CAMTA1: variants seen among roughly 807,000 people sequenced by gnomAD.
CAMTA1 encodes the protein calmodulin-binding transcription activator 1.
Under a neutral mutation model 170.9 loss-of-function variants are expected in CAMTA1, and 27 were observed. The ratio of observed to expected loss-of-function variants is 0.16; its 90% CI spans 0.12 to 0.22. The LOEUF is 0.22. Among genes scored for constraint, CAMTA1 ranks in the 10% least tolerant of loss-of-function variants. The pLI is 1.00. For synonymous variants in CAMTA1, 833 were observed against 891.5 expected (o/e 0.93, Z 1.17); for missense variants, 1,619 against 2,217.2 (o/e 0.73, Z 5.42).
rs188677353 is a variant in CAMTA1 at position 7,517,620 on chromosome 1, G to T, written c.510+49719G>T. On this transcript the variant is annotated intron_variant, in intron 6 of 22. Transcript: ENST00000303635. Reference sequence around the variant, plus strand: ...AAAACAGATATGAAGTCTCAAGAAGGGTTGGGGAAATTCCTGGGTGGGTGA... The same window carrying T: ...AAAACAGATATGAAGTCTCAAGAAGTGTTGGGGAAATTCCTGGGTGGGTGA... 4.0e-5 allele frequency among the ~76,000 whole-genome samples: 6 copies of T among 150,558 alleles called. No individual in the cohort carries two copies. The Middle Eastern group carries it at 0.01, about 256-fold the overall frequency.
chr1:7,272,264 A>G (rs1164953813), intron 5 of CAMTA1, among the ~76,000 whole-genome samples: 1 of 152,188 alleles, frequency 6.6e-6, no homozygotes, highest in Admixed American at 6.5e-5. Flanking sequence ...TAAATAAATG[A>G]AAAGACATCT....
chr1:7,417,700 G>A (rs2091283001), intron 5 of CAMTA1, among the ~76,000 whole-genome samples: 1 of 152,178 alleles, frequency 6.6e-6, no homozygotes, highest in African/African-American at 2.4e-5. Flanking sequence ...CTAGGAAAGG[G>A]AACTCCCTGA....
chr1:7,538,083 C>T (rs2094569391), intron 6 of CAMTA1, among the ~76,000 whole-genome samples: 1 of 152,154 alleles, frequency 6.6e-6, no homozygotes, highest in Non-Finnish European at 1.5e-5. Flanking sequence ...AGCTTGGAGC[C>T]CTCATTTGCA....
intron 5 of CAMTA1, among the ~76,000 whole-genome samples, chr1:7,360,732 C>T (rs2085478673): frequency 6.6e-6 from 1 of 152,198 alleles, no homozygotes; most frequent in Admixed American, 6.5e-5. Flanking sequence ...AGTGAGCAGG[C>T]TGTGCTGGCC....
chr1:7,498,473 ATG>A (rs936174230), intron 6 of CAMTA1, among the ~76,000 whole-genome samples: 14 of 148,194 alleles, frequency 9.4e-5, no homozygotes, highest in Non-Finnish European at 1.5e-4. Context: ...GTGTGTGTGG[ATG>A]TGTGAGCATG....
chr1:7,306,189 T>C (rs1675570680), intron 5 of CAMTA1, among the ~76,000 whole-genome samples: 1 of 152,170 alleles, frequency 6.6e-6, no homozygotes, highest in South Asian at 2.1e-4. Context: ...CTAGCAAATA[T>C]TTGCTTAACT....
intron 5 of CAMTA1, among the ~76,000 whole-genome samples, chr1:7,310,680 CTCTCTCTCTCTCTCTCT>C (rs1676492635): frequency 1.1e-4 from 4 of 35,394 alleles, no homozygotes; most frequent in African/African-American, 6.3e-4. Context: ...TCCTTTCTTT[CTCTCTCTCTCTCTCTCT>C]CTCTCTTTCT....
chr1:6,905,188 C>CTTTT lies in CAMTA1; in HGVS notation c.234+79997_234+80000dup, dbSNP rs34960802. On this transcript the variant is annotated intron_variant, in intron 3 of 22. Transcript: ENST00000303635. ...ATTCCTGGGTCTCCTTGCCTTGTTC[C>CTTTT]TTTTTTTTTTTTTTTTTTTTTTGAG... 1.6e-3 allele frequency among the ~76,000 whole-genome samples: 172 copies of CTTTT among 109,868 alleles called. 1 individual carries two copies. Among genetic ancestry groups the CTTTT allele is most frequent in the South Asian group, 4.0e-3 (13 of 3,248 alleles). The allele number at this position is 109,868 out of a possible 152,430, so 72.1% of individuals were successfully genotyped here.
chr1:7,279,604 T>C (rs894557541), intron 5 of CAMTA1, among the ~76,000 whole-genome samples: 1 of 152,122 alleles, frequency 6.6e-6, no homozygotes, highest in African/African-American at 2.4e-5. Context: ...ATAAACAAAA[T>C]GGTCAGGTTT....
rs1291280339 is a variant in CAMTA1 at position 7,443,739 on chromosome 1, A to G, written c.439-24091A>G. 1.3e-5 allele frequency among the ~76,000 whole-genome samples: 2 copies of G among 152,126 alleles called. No homozygotes were observed. Among genetic ancestry groups the G allele is most frequent in the African/African-American group, 4.8e-5 (2 of 41,442 alleles). The stretch of plus-strand genomic sequence containing the variant: ...TTGTAGATGTGGAGGTTTGGTAAGA[A>G]GGGAGAAGTGGGGCTCCAGAGAGGG... On this transcript the variant is annotated intron_variant, in intron 5 of 22. Transcript: ENST00000303635. This position sits in a 1 kb window ranked among gnomAD's most constrained non-coding sequence, Gnocchi z 4.1.
intron 3 of CAMTA1, among the ~76,000 whole-genome samples, chr1:6,986,971 A>AC (rs1695459071): frequency 6.6e-6 from 1 of 150,602 alleles, no homozygotes; most frequent in South Asian, 2.1e-4. Flanking sequence ...GGCATATGAG[A>AC]CCCCCTAGGG....
At chr1:7,423,899 C>G (rs1240072969) in intron 5 of CAMTA1, among the ~76,000 whole-genome samples, 3 of 152,140 alleles carry the variant, frequency 2.0e-5, no homozygotes, top group Non-Finnish European at 4.4e-5. Flanking sequence ...GGGAGGGACT[C>G]TGAATGCTGC....
At chr1:7,410,153 G>A (rs2090609683) in intron 5 of CAMTA1, among the ~76,000 whole-genome samples, 1 of 152,228 alleles carries the variant, frequency 6.6e-6, no homozygotes, top group Non-Finnish European at 1.5e-5. Flanking sequence ...AAAGTGAGCT[G>A]TAAATGCGTA....
At chr1:7,701,373 C>T (rs1254095585) in intron 11 of CAMTA1, among the ~76,000 whole-genome samples, 1 of 152,142 alleles carries the variant, frequency 6.6e-6, no homozygotes, top group Non-Finnish European at 1.5e-5. Context: ...TCCTGAGACC[C>T]TCAGCAGGGT....
chr1:7,520,419 C>A (rs1405736007), intron 6 of CAMTA1, among the ~76,000 whole-genome samples: 1 of 149,824 alleles, frequency 6.7e-6, no homozygotes, highest in African/African-American at 2.5e-5. Context: ...GTGCTGAGTA[C>A]AAGTGTCTTG....
At position 7,665,091 on chromosome 1, in the gene CAMTA1, C is replaced by T. The variant is rs770672715; in HGVS notation, c.2544C>T (p.Val848=). Residue 848 remains valine, a synonymous_variant, in exon 9 of 23, where the codon GTC becomes GTT. Coordinates refer to ENST00000303635, the MANE Select transcript of CAMTA1 (RefSeq NM_015215.4). The surrounding 1 kb of genome is among the most constrained non-coding windows in gnomAD (Gnocchi z 4.3). The stretch of plus-strand genomic sequence containing the variant: ...CCAGCACCATGGCCTACATGCACGT[C>T]GCCGAGGTGGTCTCGGCCGCCTCGG... ...GGASTMAYMH[V]AEVVSAASAQ... is the part of the protein sequence containing the mutation. 1.9e-5 allele frequency: 30 copies of T among 1,544,528 alleles called. No individual in the cohort carries two copies. Among genetic ancestry groups the T allele is most frequent in the Middle Eastern group, 1.7e-4 (1 of 5,744 alleles).
At chr1:7,102,919 CGG>C (rs1642912378) in intron 4 of CAMTA1, among the ~76,000 whole-genome samples, 1 of 152,184 alleles carries the variant, frequency 6.6e-6, no homozygotes, top group East Asian at 1.9e-4. Context: ...TCTCTTTACT[CGG>C]TGAATACCTT....
chr1:7,455,918 T>A lies in CAMTA1; in HGVS notation c.439-11912T>A, dbSNP rs1410577014. 6.6e-6 allele frequency among the ~76,000 whole-genome samples: 1 copy of A among 152,176 alleles called. No homozygotes were observed. Among genetic ancestry groups the A allele is most frequent in the Non-Finnish European group, 1.5e-5 (1 of 68,028 alleles). On this transcript the variant is annotated intron_variant, in intron 5 of 22. Coordinates refer to ENST00000303635, the MANE Select transcript of CAMTA1 (RefSeq NM_015215.4). The surrounding 1 kb of genome is among the most constrained non-coding windows in gnomAD (Gnocchi z 5.0). ...GAGAGAAAGGCCGGCCACCTGGGGC[T>A]GTGTAGCCGAAGCTCCCAGCGCCAG...
chr1:6,902,084 T>TAATAAAA (rs1553180535), intron 3 of CAMTA1, among the ~76,000 whole-genome samples: 3 of 105,012 alleles, frequency 2.9e-5, no homozygotes, highest in Admixed American at 9.0e-5. Flanking sequence ...AAAAAAAAAA[T>TAATAAAA]AAAAATAAAA....
Sources: gnomAD v4.1 joint callset for allele counts (sites outside exome capture counted in the v4.1 genomes callset) on GRCh38, gnomAD v4.1.1 for gene constraint, Gnocchi (gnomAD v3.1) non-coding constraint, MANE v1.5 for transcripts, NCBI Gene and HGNC (gene_info 2026-07-23, HGNC 2026-07-21) for gene names.